Variants in TMEM245 observed in about 807,000 individuals in gnomAD.
TMEM245 encodes protein CG-2.
A neutral mutation model predicts 101.2 loss-of-function variants in TMEM245; 69 were observed. The ratio of observed to expected loss-of-function variants is 0.68; its 90% CI spans 0.56 to 0.83. The LOEUF (loss-of-function observed/expected upper bound fraction) is 0.83. TMEM245 is among the 40% of genes least tolerant of loss of function. The pLI, the probability that TMEM245 is intolerant of heterozygous loss-of-function variation, is 0.00. For missense variants in TMEM245, 1,075 were observed against 1,092.8 expected, an observed-to-expected ratio of 0.98 and a Z score of 0.23; for synonymous variants, 537 against 449.8, an observed-to-expected ratio of 1.19 and a Z score of -2.45.
In TMEM245 at chr9:109,037,923, T is replaced by C. The variant is rs143102018; in HGVS notation, c.2224+94A>G. 507 of 1,083,868 alleles carry C rather than the reference T, an allele frequency of 4.7e-4. 4 individuals carry two copies. In the African/African-American group the frequency reaches 7.3e-3, roughly 16 times the overall value. 67.1% of individuals were successfully genotyped at this position (1,083,868 alleles called of 1,614,324 possible). A position where few individuals can be genotyped will look rare whatever the true frequency, so the allele number is the denominator to read the frequency against. On this transcript the variant is annotated intron_variant, in intron 15 of 17. Coordinates refer to ENST00000374586, the MANE Select transcript of TMEM245 (RefSeq NM_032012.4). ...ATCTCAAGCCAAAAAATTTAGTTTT[T>C]TAAACTTGAGGAAGTAGACATTTCC...
intron 9 of TMEM245, among the ~76,000 whole-genome samples, chr9:109,067,146 G>A (rs200061677): frequency 3.3e-5 from 5 of 151,846 alleles, no homozygotes; most frequent in East Asian, 1.9e-4. Flanking sequence ...CTGGGAAAAC[G>A]TCTTATTGGC....
At chr9:109,036,140 C>CT in intron 16 of TMEM245, 66 bp downstream of exon 16, 2 of 1,350,162 alleles carry the variant, frequency 1.5e-6, no homozygotes, top group Non-Finnish European at 2.0e-6. Context: ...AAAAATCCTC[C>CT]TTTAAAAAAA....
intron 3 of TMEM245, among the ~76,000 whole-genome samples, chr9:109,104,524 CT>C (rs959444975): frequency 1.3e-5 from 2 of 152,034 alleles, no homozygotes; most frequent in African/African-American, 4.8e-5. Context: ...TCCCAAAAGG[CT>C]TTTTTGTAAA....
At chr9:109,053,637 G>C (rs13296451) in intron 12 of TMEM245, among the ~76,000 whole-genome samples, 31,205 of 152,138 alleles carry the variant, frequency 0.21, 3,289 homozygotes, top group South Asian at 0.34. Flanking sequence ...TGACCAACAA[G>C]GCCTCACCAT....
chr9:109,102,706 T>C (rs77579175), intron 3 of TMEM245, among the ~76,000 whole-genome samples: 1 of 152,376 alleles, frequency 6.6e-6, no homozygotes, highest in African/African-American at 2.4e-5. Flanking sequence ...TGATTTTTAG[T>C]TTCTTCCTTT....
At position 109,108,374 on chromosome 9, in the gene TMEM245, T is replaced by G. The variant is rs1168948848; in HGVS notation, c.697+79A>C. On this transcript the variant is annotated intron_variant, in intron 2 of 17. Coordinates refer to ENST00000374586, the MANE Select transcript of TMEM245 (RefSeq NM_032012.4). ...TGCAACATATGACACTACAAAAAAT[T>G]CACTTTCATTCACACAGTCAGCCTC... is the stretch of plus-strand genomic sequence containing the variant. The G allele has an allele frequency of 4.6e-6, 3 of 651,550 alleles. No individual in the cohort carries two copies. The African/African-American group carries it at 5.7e-5, about 12-fold the overall frequency. 40.4% of individuals were successfully genotyped at this position (651,550 alleles called of 1,614,324 possible).
intron 17 of TMEM245, among the ~76,000 whole-genome samples, chr9:109,033,078 C>T (rs572728775): frequency 1.6e-4 from 25 of 152,268 alleles, no homozygotes; most frequent in Admixed American, 1.3e-3. Context: ...GGATTATAGG[C>T]GTGAGCCACT....
In TMEM245 at chr9:109,091,133, G is replaced by A. The variant is rs79127586; in HGVS notation, c.939C>T (p.Ser313=). 54 of 1,613,932 alleles carry A rather than the reference G, an allele frequency of 3.3e-5. No homozygotes were observed. In the East Asian group the frequency reaches 6.0e-4, roughly 18 times the overall value. The change falls in exon 5 of 18, where the codon TCC becomes TCT. Residue 313 remains serine (S), a synonymous_variant. Transcript: ENST00000374586. ...AAGGGGAGGTGGACAACGTTGGAGCGGATTCTCCCCTGTCCACTGCTTCTG... is the reference window on the plus strand; with the variant it reads ...AAGGGGAGGTGGACAACGTTGGAGCAGATTCTCCCCTGTCCACTGCTTCTG... The part of the protein sequence containing the change: ...QPAEAVDRGE[S]APTLSTSPSP...
chr9:109,034,183 T>TCAGAA (rs1828051693), intron 16 of TMEM245, among the ~76,000 whole-genome samples: 2 of 152,200 alleles, frequency 1.3e-5, no homozygotes, highest in Non-Finnish European at 2.9e-5. Flanking sequence ...TCAGAAGGAC[T>TCAGAA]GGGAAATAAG....
intron 9 of TMEM245, among the ~76,000 whole-genome samples, chr9:109,070,563 G>C (rs183836199): frequency 3.9e-4 from 59 of 152,246 alleles, no homozygotes; most frequent in African/African-American, 1.4e-3. Flanking sequence ...TACTCTAGAA[G>C]CTTTTAATTT....
In TMEM245 at chr9:109,119,453, G is replaced by C; in HGVS notation, c.461C>G (p.Ala154Gly). 6.7e-7 allele frequency: 1 copy of C among 1,501,902 alleles called. No individual in the cohort carries two copies. Among genetic ancestry groups the C allele is most frequent in the South Asian group, 1.2e-5 (1 of 80,076 alleles). The allele number at this position is 1,501,902 out of a possible 1,614,324, so 93.0% of individuals were successfully genotyped here. A position where few individuals can be genotyped will look rare whatever the true frequency, so the allele number is the denominator to read the frequency against. The change falls in exon 1 of 18, where the codon GCC (alanine) becomes GGC (glycine). Residue 154 changes from alanine to glycine, a missense_variant. Physicochemically the swap from Ala to Gly is moderately conservative, Grantham distance 60 (BLOSUM62 0). Coordinates refer to ENST00000374586, the MANE Select transcript of TMEM245 (RefSeq NM_032012.4). ...GAGGCCGTACAGGAGCGGGCCGCCG[G>C]CGCCGAGCAGCAGGAGCAGGCGGCG... ...RRRRLLLLLG[A>G]GGPLLYGLYC...
At position 109,032,365 on chromosome 9, in the gene TMEM245, C is replaced by CTTTTTTTTTTTTTTTTTTT. The variant is rs755399182; in HGVS notation, c.2594+923_2594+941dup. ...GCATTTGGTTGTCCTATTTCTTTTC[C>CTTTTTTTTTTTTTTTTTTT]TTTTTTTTTTTTTTTTTTTTTTTTT... On this transcript the variant is annotated intron_variant, in intron 17 of 17. Coordinates refer to ENST00000374586, the MANE Select transcript of TMEM245 (RefSeq NM_032012.4). 3.5e-3 allele frequency among the ~76,000 whole-genome samples: 142 copies of CTTTTTTTTTTTTTTTTTTT among 40,978 alleles called. 54 individuals carry two copies. Among genetic ancestry groups the CTTTTTTTTTTTTTTTTTTT allele is most frequent in the Non-Finnish European group, 4.8e-3 (108 of 22,614 alleles). 26.9% of individuals were successfully genotyped at this position (40,978 alleles called of 152,430 possible).
chr9:109,087,708 G>A (rs1019358011), intron 5 of TMEM245, among the ~76,000 whole-genome samples: 1 of 152,162 alleles, frequency 6.6e-6, no homozygotes, highest in Non-Finnish European at 1.5e-5. Context: ...ACAAACCCCT[G>A]ACATTTCCTC....
At chr9:109,089,364 T>C (rs972381660) in intron 5 of TMEM245, among the ~76,000 whole-genome samples, 2 of 152,050 alleles carry the variant, frequency 1.3e-5, no homozygotes, top group African/African-American at 4.8e-5. Context: ...AACTATCCAA[T>C]TGAGTGAGGA....
chr9:109,090,928 T>A lies in TMEM245; in HGVS notation c.1144A>T (p.Ile382Phe). The A allele has an allele frequency of 1.9e-6, 3 of 1,613,944 alleles. No individual in the cohort carries two copies. The highest frequency in any genetic ancestry group is 2.5e-6 in the Non-Finnish European group (3 of 1,179,914). ...LWIVQLLPVP[I>F]AVWILKKLVI... ...TACTTAACCAGATAACGACCTGCAA[T>A]CGGCACTGGCAGCAACTGCACAATC... The change falls in exon 5 of 18, where the codon ATT becomes TTT. Residue 382 changes from isoleucine (I) to phenylalanine (F), a missense_variant. Physicochemically the swap from Ile to Phe is conservative, Grantham distance 21 (BLOSUM62 0). This residue lies in a region of TMEM245 where 808 missense variants were observed against 741.5 expected (regional missense o/e 1.09). Transcript: ENST00000374586.
At chr9:109,047,365 C>T (rs1397194387) in intron 14 of TMEM245, among the ~76,000 whole-genome samples, 1 of 152,220 alleles carries the variant, frequency 6.6e-6, no homozygotes, top group Non-Finnish European at 1.5e-5. Flanking sequence ...TGACAGCACT[C>T]TTTGTAATCT....
chr9:109,036,244 T>G lies in TMEM245; in HGVS notation c.2361A>C (p.Thr787=), dbSNP rs760022089. The G allele has an allele frequency of 1.2e-6, 2 of 1,613,408 alleles. No individual in the cohort carries two copies. The highest frequency in any genetic ancestry group is 4.5e-5 in the East Asian group (2 of 44,842). ...AGTAGATTGCAGTATCTACAAAGTATGTTGGCAAGAGATGAAAAATCAACA... is the reference window on the plus strand; with the variant it reads ...AGTAGATTGCAGTATCTACAAAGTAGGTTGGCAAGAGATGAAAAATCAACA... ...ILLLIFHLLP[T]YFVDTAIYSD... Residue 787 remains threonine, a synonymous_variant, in exon 16 of 18, where the codon ACA becomes ACC. Transcript: ENST00000374586.
intron 16 of TMEM245, among the ~76,000 whole-genome samples, chr9:109,035,156 C>CAAAAAA (rs778574292): frequency 9.7e-5 from 5 of 51,312 alleles, no homozygotes; most frequent in South Asian, 8.8e-4. Context: ...GACTCTGTCT[C>CAAAAAA]AAAAAAAAAA....
chr9:109,107,654 T>C (rs73520937), intron 2 of TMEM245, among the ~76,000 whole-genome samples: 8,843 of 152,208 alleles, frequency 0.058, 875 homozygotes, highest in African/African-American at 0.2. Context: ...AGCTGTTTTT[T>C]ATTTTATTTT....
Sources: gnomAD v4.1 joint callset for allele counts (sites outside exome capture counted in the v4.1 genomes callset) on GRCh38, gnomAD v4.1.1 for gene constraint, gnomAD v4.1.1 regional missense constraint, MANE v1.5 for transcripts, NCBI Gene and HGNC (gene_info 2026-07-23, HGNC 2026-07-21) for gene names.